Variants in CTNNA3 observed in about 807,000 individuals in gnomAD.
The protein encoded by CTNNA3 is catenin alpha-3.
A neutral mutation model predicts 95.7 loss-of-function variants in CTNNA3; 76 were observed. That is an observed-to-expected ratio of 0.79 (90% CI 0.66 to 0.96). CTNNA3 has a LOEUF of 0.96. CTNNA3 is among the 40% of genes least tolerant of loss of function. The probability of loss-of-function intolerance (pLI) is 0.00; values close to 1 mark genes in which losing one functional copy is unlikely to be tolerated. For synonymous variants in CTNNA3, 431 were observed against 374.4 expected (o/e 1.15, Z -1.74); for missense variants, 1,191 against 1,089.8 (o/e 1.09, Z -1.31).
intron 9 of CTNNA3, among the ~76,000 whole-genome samples, chr10:66,675,770 T>C (rs567232158): frequency 6.6e-6 from 1 of 152,268 alleles, no homozygotes; most frequent in African/African-American, 2.4e-5. Flanking sequence ...ATTATGTGAC[T>C]GTTTGGGTTA....
chr10:67,033,341 G>A (rs539744168), intron 7 of CTNNA3, among the ~76,000 whole-genome samples: 1 of 152,208 alleles, frequency 6.6e-6, no homozygotes, highest in East Asian at 1.9e-4. Flanking sequence ...CCATCAAACT[G>A]TGGCTCATAG....
At chr10:66,157,945 G>A (rs1213210214) in intron 13 of CTNNA3, among the ~76,000 whole-genome samples, 1 of 151,900 alleles carries the variant, frequency 6.6e-6, no homozygotes, top group Admixed American at 6.6e-5. Flanking sequence ...ATGTTTGTTG[G>A]CCATTTGTAT....
At chr10:66,656,664 T>C (rs565932141) in intron 9 of CTNNA3, among the ~76,000 whole-genome samples, 1 of 152,194 alleles carries the variant, frequency 6.6e-6, no homozygotes, top group Admixed American at 6.5e-5. Context: ...TGTTGGCAGA[T>C]ACATGAAGCA....
chr10:67,701,489 G>A (rs974027074), intron 1 of CTNNA3, among the ~76,000 whole-genome samples: 2 of 152,156 alleles, frequency 1.3e-5, no homozygotes, highest in Non-Finnish European at 2.9e-5. Flanking sequence ...TTAAAGAAAA[G>A]AATTTTCAAC....
chr10:66,417,437 T>C (rs571698605), intron 11 of CTNNA3, among the ~76,000 whole-genome samples: 58 of 152,092 alleles, frequency 3.8e-4, no homozygotes, highest in African/African-American at 1.3e-3. Flanking sequence ...GTGGGGGAAT[T>C]TACCACCTTA....
intron 7 of CTNNA3, among the ~76,000 whole-genome samples, chr10:66,810,533 TC>T (rs1266097702): frequency 6.6e-6 from 1 of 152,210 alleles, no homozygotes; most frequent in Non-Finnish European, 1.5e-5. Flanking sequence ...TCTCAATATC[TC>T]TATCTCTTTG....
At chr10:67,106,568 TTAA>T (rs1858643470) in intron 7 of CTNNA3, among the ~76,000 whole-genome samples, 1 of 152,212 alleles carries the variant, frequency 6.6e-6, no homozygotes. Context: ...GCAAACAGAA[TTAA>T]TAATAATCCT....
At chr10:67,004,134 G>T (rs1851838209) in intron 7 of CTNNA3, among the ~76,000 whole-genome samples, 1 of 151,788 alleles carries the variant, frequency 6.6e-6, no homozygotes, top group Non-Finnish European at 1.5e-5. Context: ...TGGAGCCATG[G>T]CTGTGTATCA....
intron 3 of CTNNA3, among the ~76,000 whole-genome samples, chr10:67,557,312 A>G (rs1401938638): frequency 6.6e-6 from 1 of 152,252 alleles, no homozygotes; most frequent in African/African-American, 2.4e-5. Flanking sequence ...AACCATACAT[A>G]GTAGAACCCC....
intron 12 of CTNNA3, among the ~76,000 whole-genome samples, chr10:66,335,343 T>C (rs1332470232): frequency 6.6e-6 from 1 of 152,128 alleles, no homozygotes; most frequent in Non-Finnish European, 1.5e-5. Flanking sequence ...GCTTTGTTTT[T>C]TCCCCATCTT....
intron 7 of CTNNA3, among the ~76,000 whole-genome samples, chr10:67,010,262 G>T (rs1004337182): frequency 9.2e-5 from 14 of 152,106 alleles, no homozygotes; most frequent in Non-Finnish European, 1.9e-4. Context: ...TCTCATAATT[G>T]TATGTAGGCA....
chr10:67,494,819 C>T (rs1838974545), intron 5 of CTNNA3, among the ~76,000 whole-genome samples: 1 of 152,174 alleles, frequency 6.6e-6, no homozygotes, highest in Non-Finnish European at 1.5e-5. Context: ...GTGGGGCACC[C>T]ACCTGTTGTC....
intron 13 of CTNNA3, among the ~76,000 whole-genome samples, chr10:66,222,153 T>G (rs914469623): frequency 2.0e-5 from 3 of 152,198 alleles, no homozygotes; most frequent in Non-Finnish European, 4.4e-5. Flanking sequence ...ACCTTTCTCA[T>G]GTACCCATCA....
At chr10:66,552,932 T>C (rs1304317175) in intron 10 of CTNNA3, among the ~76,000 whole-genome samples, 1 of 152,100 alleles carries the variant, frequency 6.6e-6, no homozygotes, top group Non-Finnish European at 1.5e-5. Context: ...TTTTCTCTGA[T>C]AGTTGATAAG....
intron 11 of CTNNA3, among the ~76,000 whole-genome samples, chr10:66,481,934 A>G (rs1283377284): frequency 1.3e-5 from 2 of 152,088 alleles, no homozygotes; most frequent in African/African-American, 4.8e-5. Flanking sequence ...AGATATGAGG[A>G]TGATAGTTTT....
chr10:65,972,526 A>G (rs1041794179), intron 16 of CTNNA3, among the ~76,000 whole-genome samples: 3 of 152,146 alleles, frequency 2.0e-5, no homozygotes, highest in Admixed American at 6.6e-5. Flanking sequence ...AATCAATAGC[A>G]TTTCTATACA....
At chr10:66,201,188 C>T (rs528553165) in intron 13 of CTNNA3, among the ~76,000 whole-genome samples, 58 of 152,314 alleles carry the variant, frequency 3.8e-4, no homozygotes, top group South Asian at 8.3e-4. Flanking sequence ...TCTGACTGTT[C>T]TTTACTCACT....
At chr10:67,585,717 A>G (rs1842601834) in intron 3 of CTNNA3, among the ~76,000 whole-genome samples, 1 of 151,864 alleles carries the variant, frequency 6.6e-6, no homozygotes, top group African/African-American at 2.4e-5. Context: ...TGAGTCTTCC[A>G]TCTTCTTGGT....
At chr10:66,786,037 C>G (rs1350543557) in intron 7 of CTNNA3, among the ~76,000 whole-genome samples, 1 of 152,094 alleles carries the variant, frequency 6.6e-6, no homozygotes. Context: ...TGTCTGTCTA[C>G]TGAAGACCAC....
Sources: gnomAD v4.1 joint callset for allele counts (sites outside exome capture counted in the v4.1 genomes callset) on GRCh38, gnomAD v4.1.1 for gene constraint, MANE v1.5 for transcripts, NCBI Gene and HGNC (gene_info 2026-07-23, HGNC 2026-07-21) for gene names.